Variants in INSYN2B observed in about 807,000 individuals in gnomAD.
The protein encoded by INSYN2B is protein INSYN2B.
Under a neutral mutation model 41.2 loss-of-function variants are expected in INSYN2B, and 16 were observed. The ratio of observed to expected loss-of-function variants is 0.39; its 90% CI spans 0.26 to 0.59. The LOEUF (loss-of-function observed/expected upper bound fraction) is 0.59. INSYN2B is among the 20% of genes least tolerant of loss of function. INSYN2B has a pLI of 0.57. For synonymous variants in INSYN2B, 245 were observed against 244.4 expected (o/e 1.00, Z -0.02); for missense variants, 608 against 646.4 (o/e 0.94, Z 0.64).
intron 1 of INSYN2B, among the ~76,000 whole-genome samples, chr5:169,937,669 GTATT>G (rs1255869195): frequency 6.6e-6 from 1 of 152,190 alleles, no homozygotes; most frequent in East Asian, 1.9e-4. Context: ...TGGATAAAGA[GTATT>G]TATTATTATT....
intron 1 of INSYN2B, among the ~76,000 whole-genome samples, chr5:169,955,654 G>A (rs1383249454): frequency 6.6e-6 from 1 of 152,142 alleles, no homozygotes; most frequent in East Asian, 1.9e-4. Context: ...AAGAAGGCAG[G>A]CAAACCTGGT....
At position 169,882,679 on chromosome 5, in the gene INSYN2B, C is replaced by T. The variant is rs1045505118; in HGVS notation, c.1220G>A (p.Gly407Asp). Residue 407 changes from glycine to aspartate, a missense_variant, in exon 2 of 4, where the codon GGT (glycine) becomes GAT (aspartate). Physicochemically the swap from Gly to Asp is moderately conservative, Grantham distance 94 (BLOSUM62 -1). Coordinates refer to ENST00000377365, the MANE Select transcript of INSYN2B (RefSeq NM_001129891.3). ...SDINQIHLARGELCDLQGRLQ... is the reference protein window; with the variant it reads ...SDINQIHLARDELCDLQGRLQ... ...TCGGCCTTGGAGGTCGCAGAGTTCACCCCGTGCCAGGTGAATTTGATTAAT... is the reference window on the plus strand; with the variant it reads ...TCGGCCTTGGAGGTCGCAGAGTTCATCCCGTGCCAGGTGAATTTGATTAAT... The T allele has an allele frequency of 3.2e-6, 5 of 1,551,974 alleles. No homozygotes were observed. In the African/African-American group the frequency reaches 6.8e-5, roughly 21 times the overall value.
chr5:169,955,380 T>C (rs1017203614), intron 1 of INSYN2B, among the ~76,000 whole-genome samples: 2 of 151,870 alleles, frequency 1.3e-5, no homozygotes, highest in African/African-American at 4.8e-5. Context: ...TCAATAAGTG[T>C]TAAAGGAAGG....
At chr5:169,974,067 T>C (rs1020496358) in intron 1 of INSYN2B, among the ~76,000 whole-genome samples, 2 of 152,242 alleles carry the variant, frequency 1.3e-5, no homozygotes, top group East Asian at 3.8e-4. Context: ...ATTTTAATGA[T>C]AATAAGATCA....
At chr5:169,898,674 G>A (rs1024338042) in intron 1 of INSYN2B, among the ~76,000 whole-genome samples, 1 of 152,156 alleles carries the variant, frequency 6.6e-6, no homozygotes, top group Non-Finnish European at 1.5e-5. Flanking sequence ...TCAAGGGTTA[G>A]ACAGTAAATA....
At chr5:169,947,877 T>A (rs562967712) in intron 1 of INSYN2B, among the ~76,000 whole-genome samples, 38 of 152,264 alleles carry the variant, frequency 2.5e-4, no homozygotes, top group African/African-American at 8.2e-4. Flanking sequence ...TGGGTGAGCA[T>A]GAGCATACAG....
chr5:169,924,890 C>T (rs894106399), intron 1 of INSYN2B, among the ~76,000 whole-genome samples: 1 of 152,134 alleles, frequency 6.6e-6, no homozygotes, highest in Admixed American at 6.6e-5. Flanking sequence ...ATAACTACTT[C>T]CTCTAGAAGT....
chr5:169,973,214 A>G (rs1777591610), intron 1 of INSYN2B, among the ~76,000 whole-genome samples: 1 of 152,292 alleles, frequency 6.6e-6, no homozygotes, highest in South Asian at 2.1e-4. Flanking sequence ...CCCTTAAACA[A>G]TAGAGGCTTT....
chr5:169,872,897 T>G (rs1772078598), intron 3 of INSYN2B, among the ~76,000 whole-genome samples: 1 of 152,186 alleles, frequency 6.6e-6, no homozygotes, highest in Non-Finnish European at 1.5e-5. Context: ...TTAGGATGGT[T>G]AGGAGTCTGG....
chr5:169,871,895 T>A (rs961662935), intron 3 of INSYN2B, among the ~76,000 whole-genome samples: 1 of 152,138 alleles, frequency 6.6e-6, no homozygotes, highest in Non-Finnish European at 1.5e-5. Context: ...AAAAAGGTGC[T>A]CTCCTTCTAA....
chr5:169,939,065 T>G (rs890143742), intron 1 of INSYN2B, among the ~76,000 whole-genome samples: 5 of 151,210 alleles, frequency 3.3e-5, no homozygotes, highest in Non-Finnish European at 5.9e-5. Flanking sequence ...CACCACGCCC[T>G]GCTAATTTTT....
chr5:169,872,188 G>C (rs1015238943), intron 3 of INSYN2B, among the ~76,000 whole-genome samples: 4 of 152,130 alleles, frequency 2.6e-5, no homozygotes, highest in African/African-American at 7.2e-5. Context: ...TGTTTCTACA[G>C]AACCCAGGTG....
chr5:169,926,388 A>G (rs2113667717), intron 1 of INSYN2B, among the ~76,000 whole-genome samples: 1 of 152,312 alleles, frequency 6.6e-6, no homozygotes, highest in East Asian at 1.9e-4. Context: ...TTCAACTGCC[A>G]TATACATGCT....
In INSYN2B at chr5:169,978,392, TGGGGG is replaced by T. The variant is rs150934804; in HGVS notation, c.-919+1880_-919+1884del. Among the ~76,000 whole-genome samples, 2 of 22,734 alleles carry T rather than the reference TGGGGG, an allele frequency of 8.8e-5. 1 individual carries two copies. The allele number at this position is 22,734 out of a possible 152,430, so 14.9% of individuals were successfully genotyped here. On this transcript the variant is annotated intron_variant, in intron 1 of 3. Coordinates refer to ENST00000377365, the MANE Select transcript of INSYN2B (RefSeq NM_001129891.3). ...CTCTGTGTATGTGTGTGTGTGTGTG[TGGGGG>T]GGGGGGGGTGTAGGTGTGTTTGCAT...
In INSYN2B at chr5:169,863,927, C is replaced by A. The variant is rs182459874; in HGVS notation, c.*346G>T. On this transcript the variant is annotated 3_prime_UTR_variant, in exon 4 of 4. Transcript: ENST00000377365. ...ATGAACCCAGGATGGGAAGGAAGTG[C>A]TTGGCATCTTGGAGGTGTTGGAAGG... Among the ~76,000 whole-genome samples, 119 of 152,258 alleles carry A rather than the reference C, an allele frequency of 7.8e-4. No homozygotes were observed. The highest frequency in any genetic ancestry group is 2.7e-3 in the African/African-American group (112 of 41,532).
intron 1 of INSYN2B, among the ~76,000 whole-genome samples, chr5:169,904,116 T>C (rs56379138): frequency 2.0e-4 from 29 of 146,078 alleles, no homozygotes; most frequent in African/African-American, 7.3e-4. Context: ...AAAAAAAGTT[T>C]AGGGGAGGAG....
chr5:169,955,884 A>G (rs1171308581), intron 1 of INSYN2B, among the ~76,000 whole-genome samples: 4 of 152,186 alleles, frequency 2.6e-5, no homozygotes, highest in Non-Finnish European at 5.9e-5. Context: ...TGAAACTAAG[A>G]CATGGCTCAT....
At chr5:169,897,958 G>T (rs111687083) in intron 1 of INSYN2B, among the ~76,000 whole-genome samples, 1 of 152,182 alleles carries the variant, frequency 6.6e-6, no homozygotes, top group Non-Finnish European at 1.5e-5. Flanking sequence ...AAATAAAGGA[G>T]CAGGCTAGCT....
intron 1 of INSYN2B, among the ~76,000 whole-genome samples, chr5:169,969,483 A>G (rs1777423258): frequency 6.6e-6 from 1 of 152,196 alleles, no homozygotes; most frequent in South Asian, 2.1e-4. Context: ...ATTGGACTTC[A>G]TTTGTGTCAG....
Sources: gnomAD v4.1 joint callset for allele counts (sites outside exome capture counted in the v4.1 genomes callset) on GRCh38, gnomAD v4.1.1 for gene constraint, MANE v1.5 for transcripts, NCBI Gene and HGNC (gene_info 2026-07-23, HGNC 2026-07-21) for gene names.